Variants in WDR47 observed in about 807,000 individuals in gnomAD.
WDR47 encodes the protein WD repeat domain 47, also known as WD repeat-containing protein 47.
A neutral mutation model predicts 97.2 loss-of-function variants in WDR47; 32 were observed. The ratio of observed to expected loss-of-function variants is 0.33; its 90% CI spans 0.25 to 0.44. The LOEUF (loss-of-function observed/expected upper bound fraction) is 0.44. WDR47 is among the 20% of genes least tolerant of loss of function. The pLI, the probability that WDR47 is intolerant of heterozygous loss-of-function variation, is 1.00. For missense variants in WDR47, 782 were observed against 1,102.3 expected (o/e 0.71, Z 4.11); for synonymous variants, 375 against 373.5 (o/e 1.00, Z -0.05).
At chr1:108,989,144 G>A (rs960679410) in intron 9 of WDR47, among the ~76,000 whole-genome samples, 1 of 152,170 alleles carries the variant, frequency 6.6e-6, no homozygotes, top group Non-Finnish European at 1.5e-5. Context: ...AAGCTTTGGT[G>A]AACCTACTAC....
At chr1:109,032,039 A>G (rs1185799985) in intron 1 of WDR47, among the ~76,000 whole-genome samples, 1 of 137,920 alleles carries the variant, frequency 7.3e-6, no homozygotes, top group Non-Finnish European at 1.6e-5. Flanking sequence ...GGCTACAGAT[A>G]TCTGCCAGCC....
chr1:109,001,348 CGT>C (rs1157371926), intron 7 of WDR47, among the ~76,000 whole-genome samples: 9 of 151,920 alleles, frequency 5.9e-5, no homozygotes, highest in African/African-American at 1.7e-4. Context: ...TAAACACACA[CGT>C]GTGTGTATAT....
At chr1:109,002,470 T>TTTTATTCAGCA in intron 6 of WDR47, 68 bp from the exon 7 acceptor site, 1 of 1,197,654 alleles carries the variant, frequency 8.3e-7, no homozygotes, top group Non-Finnish European at 1.1e-6. Flanking sequence ...TAACAGTACC[T>TTTTATTCAGCA]TTTATAAATG....
intron 1 of WDR47, among the ~76,000 whole-genome samples, chr1:109,038,387 A>G (rs1283588125): frequency 6.6e-6 from 1 of 152,218 alleles, no homozygotes; most frequent in African/African-American, 2.4e-5. Context: ...CAGTAATTTA[A>G]AAAATATCGA....
chr1:108,985,268 C>G (rs1489404617), intron 10 of WDR47, among the ~76,000 whole-genome samples: 1 of 152,168 alleles, frequency 6.6e-6, no homozygotes, highest in Admixed American at 6.5e-5. Context: ...TCATAATTTT[C>G]CAACCAATCT....
At chr1:109,015,108 A>G (rs925299950) in intron 3 of WDR47, among the ~76,000 whole-genome samples, 1 of 152,190 alleles carries the variant, frequency 6.6e-6, no homozygotes. Context: ...AGGTAAAGGC[A>G]GGAGATGGTG....
intron 5 of WDR47, among the ~76,000 whole-genome samples, chr1:109,007,979 G>A (rs953596778): frequency 3.3e-5 from 5 of 152,018 alleles, no homozygotes; most frequent in Admixed American, 6.6e-5. Context: ...GCGGGCGCCT[G>A]TAATCCCAGC....
rs778672627 is a variant in WDR47 at position 108,971,565 on chromosome 1, G to A, written c.2625C>T (p.Leu875=). The A allele has an allele frequency of 1.9e-6, 3 of 1,613,996 alleles. No individual in the cohort carries two copies. The highest frequency in any genetic ancestry group is 2.2e-5 in the South Asian group (2 of 91,076). ...CCACCATGATAGGAAGCTGCTTGGT[G>A]AGGTCCCCTAAATTACAAAAGAGAT... ...KIKVTDLQGD[L]TKQLPIMVVG... Residue 875 remains leucine, a synonymous_variant, in exon 15 of 15, where the codon CTC becomes CTT. Transcript: ENST00000369962.
At chr1:108,971,645 C>T in intron 14 of WDR47, 73 bp from the exon 15 acceptor site, 2 of 1,528,944 alleles carry the variant, frequency 1.3e-6, no homozygotes, top group Non-Finnish European at 1.8e-6. Flanking sequence ...CTTCCTGTTA[C>T]TTTAAGACAT....
intron 2 of WDR47, 77 bp downstream of exon 2, chr1:109,023,278 T>C: frequency 7.2e-7 from 1 of 1,389,798 alleles, no homozygotes; most frequent in Non-Finnish European, 9.8e-7. Flanking sequence ...GTTCTATCTG[T>C]ATTATATATA....
At chr1:109,004,822 G>GTC (rs1188969591) in intron 5 of WDR47, 107 bp from the exon 6 acceptor site, 16 of 1,307,622 alleles carry the variant, frequency 1.2e-5, no homozygotes, top group Non-Finnish European at 1.6e-5. Flanking sequence ...TTGAGATGGA[G>GTC]TCTCTCTCTG....
chr1:108,988,005 T>G (rs1658972586), intron 9 of WDR47, among the ~76,000 whole-genome samples: 1 of 151,390 alleles, frequency 6.6e-6, no homozygotes, highest in East Asian at 1.9e-4. Flanking sequence ...TGAGTCCGAG[T>G]TGGGCATATT....
At chr1:108,972,815 C>G (rs904082096) in intron 14 of WDR47, among the ~76,000 whole-genome samples, 1 of 151,896 alleles carries the variant, frequency 6.6e-6, no homozygotes, top group Non-Finnish European at 1.5e-5. Context: ...GGTGTGGTGG[C>G]GGGCGCCTGT....
intron 1 of WDR47, among the ~76,000 whole-genome samples, chr1:109,026,141 G>A (rs1474579121): frequency 1.3e-5 from 2 of 151,848 alleles, no homozygotes; most frequent in Non-Finnish European, 2.9e-5. Context: ...TGACCTCCCA[G>A]GCTCAAGTGA....
chr1:108,977,955 G>A (rs959747558), intron 13 of WDR47, among the ~76,000 whole-genome samples: 1 of 148,906 alleles, frequency 6.7e-6, no homozygotes. Context: ...CTGCACTCCA[G>A]TCTGGGTGAC....
At chr1:109,007,066 T>C (rs1195489787) in intron 5 of WDR47, among the ~76,000 whole-genome samples, 1 of 148,980 alleles carries the variant, frequency 6.7e-6, no homozygotes, top group South Asian at 2.1e-4. Context: ...GCCTCCCAAG[T>C]AGCTGTGACT....
intron 9 of WDR47, among the ~76,000 whole-genome samples, chr1:108,990,410 T>C (rs767934683): frequency 2.9e-4 from 44 of 152,074 alleles, no homozygotes; most frequent in Non-Finnish European, 5.1e-4. Flanking sequence ...GGTTTTGCCA[T>C]GTTGGCCAGG....
intron 10 of WDR47, among the ~76,000 whole-genome samples, chr1:108,984,590 T>C (rs1658618365): frequency 6.6e-6 from 1 of 152,126 alleles, no homozygotes; most frequent in South Asian, 2.1e-4. Context: ...GTGTTTAATA[T>C]TGATCTAGGC....
In WDR47 at chr1:108,987,849, T is replaced by C. The variant is rs183465195; in HGVS notation, c.1768-1169A>G. Among the ~76,000 whole-genome samples the C allele has an allele frequency of 7.1e-3, 1,078 of 152,250 alleles. 5 individuals carry two copies. The highest frequency in any genetic ancestry group is 0.012 in the Non-Finnish European group (806 of 68,014). On this transcript the variant is annotated intron_variant, in intron 9 of 14. Coordinates refer to ENST00000369962, the MANE Select transcript of WDR47 (RefSeq NM_001142551.2). ...CCATATATTAAGTAGCATATTCAAA[T>C]TCCCTAATTTTTCTATTTTTCATTA...
Sources: gnomAD v4.1 joint callset for allele counts (sites outside exome capture counted in the v4.1 genomes callset) on GRCh38, gnomAD v4.1.1 for gene constraint, MANE v1.5 for transcripts, NCBI Gene and HGNC (gene_info 2026-07-23, HGNC 2026-07-21) for gene names.